The following SLC14A2 variants were observed in gnomAD, a reference collection of about 807,000 sequenced individuals.
SLC14A2 encodes urea transporter 2.
Under a neutral mutation model 104.6 loss-of-function variants are expected in SLC14A2, and 91 were observed. That is an observed-to-expected ratio of 0.87 (90% CI 0.73 to 1.04). The LOEUF (loss-of-function observed/expected upper bound fraction) is 1.04. Ranked by LOEUF, SLC14A2 falls within the 50% of genes least tolerant of loss-of-function variation. The pLI is 0.00. For synonymous variants in SLC14A2, 476 were observed against 466.4 expected (o/e 1.02, Z -0.27); for missense variants, 1,189 against 1,156.0 (o/e 1.03, Z -0.41).
At chr18:45,271,954 T>C (rs1163325042) in intron 1 of SLC14A2, among the ~76,000 whole-genome samples, 1 of 152,064 alleles carries the variant, frequency 6.6e-6, no homozygotes, top group Non-Finnish European at 1.5e-5. Context: ...AATAGGCACA[T>C]AAACTAATGG....
intron 2 of SLC14A2, among the ~76,000 whole-genome samples, chr18:45,596,293 C>T (rs2044717922): frequency 6.6e-6 from 1 of 152,216 alleles, no homozygotes; most frequent in Admixed American, 6.5e-5. Flanking sequence ...AAATTAATCT[C>T]ACCCCCAGGA....
At chr18:45,335,111 T>A (rs2085326326) in intron 1 of SLC14A2, among the ~76,000 whole-genome samples, 3 of 151,960 alleles carry the variant, frequency 2.0e-5, no homozygotes, top group Admixed American at 2.0e-4. Flanking sequence ...TAATGAAGTA[T>A]CTATCTTCCC....
intron 2 of SLC14A2, among the ~76,000 whole-genome samples, chr18:45,581,388 G>A (rs1470381174): frequency 6.6e-6 from 1 of 152,152 alleles, no homozygotes; most frequent in East Asian, 1.9e-4. Context: ...TAAGGAGAGA[G>A]GCCGTGGAGC....
chr18:45,370,282 A>G (rs1010868570), intron 1 of SLC14A2, among the ~76,000 whole-genome samples: 62 of 152,280 alleles, frequency 4.1e-4, no homozygotes, highest in African/African-American at 1.4e-3. Flanking sequence ...TTCCCCCAAG[A>G]GACCCCAGAA....
intron 1 of SLC14A2, among the ~76,000 whole-genome samples, chr18:45,450,637 C>T (rs1015934672): frequency 6.6e-6 from 1 of 152,214 alleles, no homozygotes; most frequent in African/African-American, 2.4e-5. Flanking sequence ...CAGGGGATAA[C>T]ATCACGCCCT....
chr18:45,186,571 T>C, the SLC14A2 span, among the ~76,000 whole-genome samples: 14,087 of 152,210 alleles, frequency 0.093, 689 homozygotes, highest in East Asian at 0.14. Context: ...TTTCCTTCCT[T>C]ACAAGAATAG....
At chr18:45,350,250 A>G (rs888456493) in intron 1 of SLC14A2, among the ~76,000 whole-genome samples, 17 of 152,198 alleles carry the variant, frequency 1.1e-4, no homozygotes, top group Admixed American at 9.2e-4. Context: ...GTCGTTAAAA[A>G]CCATTCTGGA....
intron 2 of SLC14A2, among the ~76,000 whole-genome samples, chr18:45,578,260 A>T (rs540588340): frequency 6.6e-6 from 1 of 152,194 alleles, no homozygotes; most frequent in Admixed American, 6.5e-5. Context: ...CACAAATTTC[A>T]TCACTCACTT....
chr18:45,276,168 C>A (rs764812198), intron 1 of SLC14A2, among the ~76,000 whole-genome samples: 1 of 152,188 alleles, frequency 6.6e-6, no homozygotes, highest in Non-Finnish European at 1.5e-5. Flanking sequence ...TGTGGGGTAC[C>A]TGGGGCAGAT....
chr18:45,320,314 C>G (rs1327443595), intron 1 of SLC14A2, among the ~76,000 whole-genome samples: 1 of 151,938 alleles, frequency 6.6e-6, no homozygotes, highest in African/African-American at 2.4e-5. Flanking sequence ...AGCTTTGTAC[C>G]CTTTGACCCC....
At chr18:45,435,567 C>T (rs2287434) in intron 1 of SLC14A2, among the ~76,000 whole-genome samples, 81,224 of 151,968 alleles carry the variant, frequency 0.53, 21,866 homozygotes, top group Admixed American at 0.66. Flanking sequence ...GGCAAGACTG[C>T]TGTTCTTATT....
intron 1 of SLC14A2, among the ~76,000 whole-genome samples, chr18:45,252,469 A>G (rs953641908): frequency 1.4e-4 from 21 of 152,258 alleles, no homozygotes; most frequent in Non-Finnish European, 2.5e-4. Context: ...CATATTAACA[A>G]AAAGTTAGAT....
intron 1 of SLC14A2, among the ~76,000 whole-genome samples, chr18:45,445,202 C>T (rs1435225869): frequency 6.6e-6 from 1 of 151,576 alleles, no homozygotes; most frequent in African/African-American, 2.4e-5. Flanking sequence ...ACCTCCGCCT[C>T]CCAGGTTCAA....
intron 1 of SLC14A2, among the ~76,000 whole-genome samples, chr18:45,470,390 T>C (rs1164131015): frequency 1.3e-5 from 2 of 152,348 alleles, no homozygotes; most frequent in East Asian, 3.8e-4. Flanking sequence ...CTTTACATTG[T>C]AACTTAAATG....
intron 2 of SLC14A2, among the ~76,000 whole-genome samples, chr18:45,539,886 G>T (rs2043858439): frequency 7.3e-6 from 1 of 137,208 alleles, no homozygotes; most frequent in South Asian, 2.3e-4. Flanking sequence ...GAAAAAAAAT[G>T]AAAAGAGTAA....
chr18:45,530,216 T>C (rs1303936511), intron 2 of SLC14A2, among the ~76,000 whole-genome samples: 1 of 152,202 alleles, frequency 6.6e-6, no homozygotes, highest in East Asian at 1.9e-4. Context: ...CAAATCAAGG[T>C]TCCTGTGCTC....
chr18:45,176,992 T>C, the SLC14A2 span, among the ~76,000 whole-genome samples: 1 of 152,156 alleles, frequency 6.6e-6, no homozygotes, highest in African/African-American at 2.4e-5. Context: ...GCAATCTTAC[T>C]AAAAATAACC....
At chr18:45,550,331 C>G (rs951529476) in intron 2 of SLC14A2, 1 of 152,232 alleles carries the variant, frequency 6.6e-6, no homozygotes, top group Non-Finnish European at 1.5e-5. Context: ...TCCCTGAACC[C>G]CCCAGTTCTT....
At chr18:45,591,620 C>G (rs1371217582) in intron 2 of SLC14A2, among the ~76,000 whole-genome samples, 1 of 152,206 alleles carries the variant, frequency 6.6e-6, no homozygotes, top group Non-Finnish European at 1.5e-5. Flanking sequence ...CAGGCATGAG[C>G]CACCACGCCC....
Sources: allele counts gnomAD v4.1 joint callset (sites outside exome capture counted in the v4.1 genomes callset), GRCh38; gene constraint gnomAD v4.1.1; transcripts MANE v1.5; gene names NCBI Gene and HGNC (gene_info 2026-07-23, HGNC 2026-07-21).